Variants in ADAMTS5 observed in about 807,000 individuals in gnomAD.
ADAMTS5 encodes ADAM metallopeptidase with thrombospondin type 1 motif 5, also known as A disintegrin and metalloproteinase with thrombospondin motifs 5.
In ADAMTS5, 54 loss-of-function variants were observed where a neutral mutation model predicts 81.4. The ratio of observed to expected loss-of-function variants is 0.66; its 90% CI spans 0.53 to 0.83. The LOEUF (loss-of-function observed/expected upper bound fraction) is 0.83, where lower values mean the gene tolerates loss of function less well. Among genes scored for constraint, ADAMTS5 ranks in the 40% least tolerant of loss-of-function variants. ADAMTS5 has a pLI of 0.00. For missense variants in ADAMTS5, 1,194 were observed against 1,229.9 expected, an observed-to-expected ratio of 0.97 and a Z score of 0.44; for synonymous variants, 532 against 508.8, an observed-to-expected ratio of 1.05 and a Z score of -0.61.
chr21:26,965,559 G>A lies in ADAMTS5; in HGVS notation c.833C>T (p.Ser278Phe), dbSNP rs1355336959. Reference protein sequence around the residue: ...QVELLLVADASMARLYGRGLQ... With the variant: ...QVELLLVADAFMARLYGRGLQ... ...GCCCCGGCCATACAACCGCGCCATG[G>A]ACGCGTCAGCCACCAGAAGCAGCTC... Residue 278 changes from serine to phenylalanine, a missense_variant, in exon 1 of 8, where the codon TCC becomes TTC. Transcript: ENST00000284987. 6.2e-7 allele frequency: 1 copy of A among 1,611,296 alleles called. No individual in the cohort carries two copies. The highest frequency in any genetic ancestry group is 1.1e-5 in the South Asian group (1 of 91,016).
chr21:26,932,883 A>C lies in ADAMTS5; in HGVS notation c.1851T>G (p.Ser617Arg). 6.2e-7 allele frequency: 1 copy of C among 1,612,742 alleles called. No homozygotes were observed. Among genetic ancestry groups the C allele is most frequent in the Non-Finnish European group, 8.5e-7 (1 of 1,179,580 alleles). ...TACCATTGGGTGGGCAGGGCATGAG[A>C]CTGCAGGAGCGGTAGATGGCCCTCT... Reference protein sequence around the residue: ...TGKRAIYRSCSLMPCPPNGKS... With the variant: ...TGKRAIYRSCRLMPCPPNGKS... Residue 617 changes from serine to arginine, a missense_variant, in exon 5 of 8, where the codon AGT becomes AGG. Physicochemically the swap from Ser to Arg is moderately radical, Grantham distance 110 (BLOSUM62 -1). Transcript: ENST00000284987.
rs756892627 is a variant in ADAMTS5, at chr21:26,965,649, C to G, written c.743G>C (p.Gly248Ala). 3 of 1,594,868 alleles carry G rather than the reference C, an allele frequency of 1.9e-6. No homozygotes were observed. Among genetic ancestry groups the G allele is most frequent in the South Asian group, 1.1e-5 (1 of 89,372 alleles). ...CCACCACGTCTGCGGTCCTGAGCCC[C>G]CAGCGGGCGAGAGAGCGGACTGGTC... is the stretch of plus-strand genomic sequence containing the variant. ...LLDQSALSPA[G>A]GSGPQTWWRR... Residue 248 changes from glycine to alanine, a missense_variant, in exon 1 of 8, where the codon GGG becomes GCG. This residue lies in a region of ADAMTS5 where 498 missense variants were observed against 412.3 expected (regional missense o/e 1.21). Coordinates refer to ENST00000284987, the MANE Select transcript of ADAMTS5 (RefSeq NM_007038.5).
chr21:26,959,586 G>A (rs1478383290), intron 1 of ADAMTS5, among the ~76,000 whole-genome samples: 1 of 152,002 alleles, frequency 6.6e-6, no homozygotes, highest in East Asian at 1.9e-4. Flanking sequence ...TTTCTTTCTT[G>A]CAGCAAATAA....
intron 3 of ADAMTS5, 74 bp downstream of exon 3, chr21:26,943,306 G>A: frequency 3.7e-6 from 5 of 1,355,718 alleles, no homozygotes; most frequent in Non-Finnish European, 5.1e-6. Context: ...AATATTATGA[G>A]GATATAATGA....
Position 26,922,031 on chromosome 21 carries a change from T to G in ADAMTS5, c.*2022A>C, listed in dbSNP as rs1986708286. The stretch of plus-strand genomic sequence containing the variant: ...AACATTAACCTCTCTCCTAATTCTC[T>G]TTGCACAGACAAATGGCACTGGGAT... On this transcript the variant is annotated 3_prime_UTR_variant, in exon 8 of 8. Coordinates refer to ENST00000284987, the MANE Select transcript of ADAMTS5 (RefSeq NM_007038.5). The G allele has an allele frequency of 6.6e-6, 1 of 152,118 alleles. No homozygotes were observed. Among genetic ancestry groups the G allele is most frequent in the Non-Finnish European group, 1.5e-5 (1 of 67,968 alleles). 9.4% of individuals were successfully genotyped at this position (152,118 alleles called of 1,614,324 possible).
In ADAMTS5 at chr21:26,919,336, C is replaced by T. The variant is rs1190442390; in HGVS notation, c.*4717G>A. ...ATGAGGGGCCACTGCTCGTTTTTTC[C>T]ATTTGACCTTTACAGTCCACATGGT... On this transcript the variant is annotated 3_prime_UTR_variant, in exon 8 of 8. Transcript: ENST00000284987. 1.3e-5 allele frequency: 2 copies of T among 151,292 alleles called. No individual in the cohort carries two copies. Among genetic ancestry groups the T allele is most frequent in the African/African-American group, 4.9e-5 (2 of 41,210 alleles). The allele number at this position is 151,292 out of a possible 1,614,324, so 9.4% of individuals were successfully genotyped here. A position where few individuals can be genotyped will look rare whatever the true frequency, so the allele number is the denominator to read the frequency against.
chr21:26,944,815 T>C (rs9984329), intron 2 of ADAMTS5, among the ~76,000 whole-genome samples: 59,127 of 151,940 alleles, frequency 0.39, 11,855 homozygotes, highest in East Asian at 0.56. Flanking sequence ...TTGGGCCAAC[T>C]TGTTAAATCA....
chr21:26,964,278 A>G (rs1211922586), intron 1 of ADAMTS5, among the ~76,000 whole-genome samples: 1 of 152,228 alleles, frequency 6.6e-6, no homozygotes, highest in African/African-American at 2.4e-5. Flanking sequence ...TGCGCAAGCC[A>G]GGCCCCAAAC....
intron 5 of ADAMTS5, 78 bp downstream of exon 5, chr21:26,932,783 A>G (rs777251323): frequency 2.3e-5 from 33 of 1,456,336 alleles, no homozygotes; most frequent in Non-Finnish European, 3.0e-5. Flanking sequence ...TTATTTCCCC[A>G]GCTTCCCTTA....
At chr21:26,960,804 A>G (rs1987516044) in intron 1 of ADAMTS5, among the ~76,000 whole-genome samples, 1 of 152,196 alleles carries the variant, frequency 6.6e-6, no homozygotes, top group South Asian at 2.1e-4. Flanking sequence ...CTCCAAACTA[A>G]TCTATTACCA....
intron 2 of ADAMTS5, among the ~76,000 whole-genome samples, chr21:26,952,952 T>C (rs565192809): frequency 3.3e-5 from 5 of 152,398 alleles, no homozygotes; most frequent in African/African-American, 4.8e-5. Context: ...AGTCTCATGT[T>C]TCTTTCTCCC....
intron 1 of ADAMTS5, among the ~76,000 whole-genome samples, chr21:26,959,479 G>C (rs1662303423): frequency 6.6e-6 from 1 of 152,076 alleles, no homozygotes; most frequent in Non-Finnish European, 1.5e-5. Flanking sequence ...TCAGAATCCT[G>C]AACTTACTTC....
intron 4 of ADAMTS5, among the ~76,000 whole-genome samples, chr21:26,933,805 G>A (rs1293289217): frequency 6.6e-6 from 1 of 152,250 alleles, no homozygotes; most frequent in African/African-American, 2.4e-5. Flanking sequence ...ATGATGAATG[G>A]TTGGGTGATG....
At chr21:26,929,486 A>T (rs1986865768) in intron 7 of ADAMTS5, among the ~76,000 whole-genome samples, 2 of 152,232 alleles carry the variant, frequency 1.3e-5, no homozygotes, top group Admixed American at 1.3e-4. Context: ...TCTTAAGGAA[A>T]ACACAGTGTA....
chr21:26,931,674 A>G (rs1243057372), intron 6 of ADAMTS5, among the ~76,000 whole-genome samples: 3 of 152,218 alleles, frequency 2.0e-5, no homozygotes, highest in African/African-American at 7.2e-5. Flanking sequence ...CTCCTTTACA[A>G]TGCTGCTTAG....
Position 26,920,347 on chromosome 21 carries a change from C to A in ADAMTS5, c.*3706G>T, listed in dbSNP as rs1227610652. The A allele has an allele frequency of 6.6e-6, 1 of 152,012 alleles. No homozygotes were observed. The highest frequency in any genetic ancestry group is 1.5e-5 in the Non-Finnish European group (1 of 67,956). The allele number at this position is 152,012 out of a possible 1,614,324, so 9.4% of individuals were successfully genotyped here. A position where few individuals can be genotyped will look rare whatever the true frequency, so the allele number is the denominator to read the frequency against. On this transcript the variant is annotated 3_prime_UTR_variant, in exon 8 of 8. Transcript: ENST00000284987. ...AGAGGTGACTCTGCCTATTTCAAGT[C>A]CTATAATCACCCCATGGGATTCAAC...
chr21:26,925,386 T>C (rs1174943194), intron 7 of ADAMTS5, among the ~76,000 whole-genome samples: 3 of 152,160 alleles, frequency 2.0e-5, no homozygotes, highest in Admixed American at 6.5e-5. Flanking sequence ...AGAGAATTTT[T>C]CTGAATTCTT....
chr21:26,954,800 G>T lies in ADAMTS5; in HGVS notation c.1176C>A (p.Arg392=). The T allele has an allele frequency of 1.2e-6, 2 of 1,614,130 alleles. No homozygotes were observed. The highest frequency in any genetic ancestry group is 2.2e-5 in the South Asian group (2 of 91,082). Residue 392 remains arginine, a synonymous_variant, in exon 2 of 8, where the codon CGC becomes CGA. Transcript: ENST00000284987. ...CATCGTCTTCAATCACAGCACAGCTGCGCTCTGGAGAACATATGGTCCCAA... is the reference window on the plus strand; with the variant it reads ...CATCGTCTTCAATCACAGCACAGCTTCGCTCTGGAGAACATATGGTCCCAA... ...ADVGTICSPE[R]SCAVIEDDGL...
In ADAMTS5 at chr21:26,966,224, C is replaced by T. The variant is rs1987665138; in HGVS notation, c.168G>A (p.Glu56=). ...RQGEEVQERA[E]PPGHPHPLAQ... ...CCAGGGGGTGCGGGTGGCCGGGAGG[C>T]TCGGCTCGCTCCTGCACCTCCTCCC... Residue 56 remains glutamate, a synonymous_variant, in exon 1 of 8, where the codon GAG becomes GAA. Coordinates refer to ENST00000284987, the MANE Select transcript of ADAMTS5 (RefSeq NM_007038.5). The T allele has an allele frequency of 1.3e-6, 2 of 1,599,822 alleles. No individual in the cohort carries two copies. The highest frequency in any genetic ancestry group is 1.3e-5 in the African/African-American group (1 of 74,608).
Sources: allele counts gnomAD v4.1 joint callset (sites outside exome capture counted in the v4.1 genomes callset), GRCh38; gene constraint gnomAD v4.1.1; regional missense constraint gnomAD v4.1.1; transcripts MANE v1.5; gene names NCBI Gene and HGNC (gene_info 2026-07-23, HGNC 2026-07-21).